The following MYO5B variants were observed in gnomAD, a reference collection of about 807,000 sequenced individuals.
MYO5B encodes the protein myosin VB.
Under a neutral mutation model 229.3 loss-of-function variants are expected in MYO5B, and 143 were observed. That is an observed-to-expected ratio of 0.62 (90% confidence interval 0.54 to 0.72). The LOEUF is 0.72. Ranked by LOEUF, MYO5B falls within the 30% of genes least tolerant of loss-of-function variation. MYO5B has a pLI of 0.00. For missense variants in MYO5B, 2,321 were observed against 2,331.0 expected (o/e 1.00, Z 0.09); for synonymous variants, 918 against 885.2 (o/e 1.04, Z -0.66).
At chr18:49,929,647 C>A (rs777310311) in intron 16 of MYO5B, 49 bp from the exon 17 acceptor site, 2 of 1,481,118 alleles carry the variant, frequency 1.4e-6, no homozygotes, top group Admixed American at 3.7e-5. Context: ...AGATGAGTGG[C>A]CACATTTGCA....
chr18:49,936,822 ATTCTC>A (rs765594868), intron 15 of MYO5B, among the ~76,000 whole-genome samples: 4 of 152,156 alleles, frequency 2.6e-5, no homozygotes, highest in Admixed American at 6.5e-5. Context: ...CTTGACAAGC[ATTCTC>A]TTCTCTTCTC....
At chr18:50,010,907 C>A in intron 4 of MYO5B, among the ~76,000 whole-genome samples, 1 of 152,196 alleles carries the variant, frequency 6.6e-6, no homozygotes, top group Non-Finnish European at 1.5e-5. Flanking sequence ...GCATTTCAGC[C>A]AGGTGCATGT....
intron 14 of MYO5B, among the ~76,000 whole-genome samples, chr18:49,938,395 G>C (rs910006547): frequency 2.0e-5 from 3 of 152,064 alleles, no homozygotes; most frequent in Admixed American, 1.3e-4. Context: ...AGTCAATGCT[G>C]GGGCTAGAAT....
chr18:49,878,425 T>G (rs2024550579), intron 24 of MYO5B, among the ~76,000 whole-genome samples: 1 of 310 alleles, frequency 3.2e-3, no homozygotes, highest in Admixed American at 0.031. Flanking sequence ...ATTCAGCTTT[T>G]CTTTCCTGGC....
At chr18:49,918,355 C>T (rs377005423) in intron 17 of MYO5B, among the ~76,000 whole-genome samples, 14 of 152,212 alleles carry the variant, frequency 9.2e-5, no homozygotes, top group Admixed American at 2.6e-4. Context: ...AGTAAGACCA[C>T]GGCATAAGGC....
rs543869995 is a variant in MYO5B, at chr18:49,917,175, G to A, written c.2091-5002C>T. On this transcript the variant is annotated intron_variant, in intron 17 of 39. Coordinates refer to ENST00000285039, the MANE Select transcript of MYO5B (RefSeq NM_001080467.3). ...ATGTTCATGCAGGGGTAGCTCCTCT[G>A]CAAGACTTGCACCTCCTTCAAGTCT... is the stretch of plus-strand genomic sequence containing the variant. Among the ~76,000 whole-genome samples, 17 of 152,292 alleles carry A rather than the reference G, an allele frequency of 1.1e-4. 1 individual carries two copies. The highest frequency in any genetic ancestry group is 3.8e-4 in the African/African-American group (16 of 41,568).
chr18:50,133,090 T>C (rs1184153291), intron 1 of MYO5B, among the ~76,000 whole-genome samples: 4 of 152,184 alleles, frequency 2.6e-5, no homozygotes, highest in African/African-American at 9.7e-5. Flanking sequence ...GCAGAATTAA[T>C]CCAGAATATG....
intron 1 of MYO5B, among the ~76,000 whole-genome samples, chr18:50,134,671 T>C (rs1337413085): frequency 6.6e-6 from 1 of 152,170 alleles, no homozygotes; most frequent in Non-Finnish European, 1.5e-5. Context: ...CCTTCTCTTC[T>C]GCCTGGGCTG....
At chr18:49,837,453 G>T in intron 37 of MYO5B, 64 bp downstream of exon 37, 1 of 1,581,898 alleles carries the variant, frequency 6.3e-7, no homozygotes. Flanking sequence ...CTTGTGTTCT[G>T]ATTCTAGCTG....
rs183333096 is a variant in MYO5B at position 50,048,984 on chromosome 18, T to G, written c.138+6284A>C. On this transcript the variant is annotated intron_variant, in intron 2 of 39. Transcript: ENST00000285039. ...TTGAAGTGTGCCGAGATTGCACCAC[T>G]GCACCCCAGCCTGGGCAACAGAGTG... Among the ~76,000 whole-genome samples, 1,092 of 147,496 alleles carry G rather than the reference T, an allele frequency of 7.4e-3. 11 individuals are homozygous for G. The highest frequency in any genetic ancestry group is 0.041 in the Middle Eastern group (12 of 290).
chr18:50,099,005 A>G (rs992514341), intron 1 of MYO5B: 25 of 152,948 alleles, frequency 1.6e-4, no homozygotes, highest in African/African-American at 4.8e-4. Flanking sequence ...CGGCCTTTAT[A>G]TGAATGATCC....
chr18:50,141,523 T>C (rs905870209), intron 1 of MYO5B, among the ~76,000 whole-genome samples: 1 of 152,174 alleles, frequency 6.6e-6, no homozygotes, highest in African/African-American at 2.4e-5. Flanking sequence ...AATTCTTCCC[T>C]GGATGAAGCC....
At chr18:49,991,676 G>A (rs1001205750) in intron 6 of MYO5B, among the ~76,000 whole-genome samples, 1 of 152,152 alleles carries the variant, frequency 6.6e-6, no homozygotes, top group South Asian at 2.1e-4. Context: ...GCCTGTCAGT[G>A]GGTGGAAGGC....
intron 1 of MYO5B, among the ~76,000 whole-genome samples, chr18:50,156,453 C>T (rs2032680677): frequency 6.6e-6 from 1 of 152,166 alleles, no homozygotes; most frequent in Non-Finnish European, 1.5e-5. Flanking sequence ...TTATAAGAGG[C>T]TTTTCCCCCT....
At chr18:50,068,174 A>C (rs2030870046) in intron 1 of MYO5B, among the ~76,000 whole-genome samples, 1 of 152,210 alleles carries the variant, frequency 6.6e-6, no homozygotes. Flanking sequence ...GATGCCTTAC[A>C]TACTAGGTAG....
rs1450689337 is a variant in MYO5B at position 49,836,580 on chromosome 18, A to T, written c.5313+131T>A. The T allele has an allele frequency of 7.5e-6, 8 of 1,070,230 alleles. No homozygotes were observed. The East Asian group carries it at 1.7e-4, about 23-fold the overall frequency. The allele number at this position is 1,070,230 out of a possible 1,614,324, so 66.3% of individuals were successfully genotyped here. A position where few individuals can be genotyped will look rare whatever the true frequency, so the allele number is the denominator to read the frequency against. ...GAATATCCCATCAGCTGCACTTCAA[A>T]ATTGTCTCATTAGGGGTATATAAAG... On this transcript the variant is annotated intron_variant, in intron 38 of 39. Transcript: ENST00000285039.
chr18:50,088,392 G>C (rs56112383), intron 1 of MYO5B, among the ~76,000 whole-genome samples: 16,092 of 152,152 alleles, frequency 0.11, 1,653 homozygotes, highest in African/African-American at 0.27. Flanking sequence ...ATGTGCTATT[G>C]ATTTATTACC....
At position 49,826,504 on chromosome 18, in the gene MYO5B, C is replaced by A; in HGVS notation, c.5514G>T (p.Ala1838=). The change falls in exon 40 of 40, where the codon GCG becomes GCT. Residue 1838 remains alanine (A), a synonymous_variant. Transcript: ENST00000285039. ...CATTGAGGAATTCCAGATTGAGACA[C>A]GCTGGGATGTGGATTGAGTCCATGG... The part of the protein sequence containing the change: ...SLTMDSIHIP[A]CLNLEFLNEV 1.2e-6 allele frequency: 2 copies of A among 1,613,974 alleles called. No homozygotes were observed. The highest frequency in any genetic ancestry group is 8.5e-7 in the Non-Finnish European group (1 of 1,179,938).
At chr18:49,979,117 C>G (rs1356597709) in intron 9 of MYO5B, among the ~76,000 whole-genome samples, 1 of 152,162 alleles carries the variant, frequency 6.6e-6, no homozygotes, top group African/African-American at 2.4e-5. Flanking sequence ...CCTCCACCAC[C>G]CCCTGGGCCA....
Sources: gnomAD v4.1 joint callset for allele counts (sites outside exome capture counted in the v4.1 genomes callset) on GRCh38, gnomAD v4.1.1 for gene constraint, MANE v1.5 for transcripts, NCBI Gene and HGNC (gene_info 2026-07-23, HGNC 2026-07-21) for gene names.